Variants in ARHGEF3 observed in about 807,000 individuals in gnomAD.
ARHGEF3 encodes the protein Rho guanine nucleotide exchange factor 3.
A neutral mutation model predicts 63.2 loss-of-function variants in ARHGEF3; 28 were observed. That is an observed-to-expected ratio of 0.44 (90% confidence interval 0.33 to 0.61). The LOEUF is 0.61. Ranked by LOEUF, ARHGEF3 falls within the 20% of genes least tolerant of loss-of-function variation. The pLI is 0.03. For synonymous variants in ARHGEF3, 266 were observed against 254.2 expected (o/e 1.05, Z -0.44); for missense variants, 533 against 659.3 (o/e 0.81, Z 2.10).
chr3:57,003,542 G>A (rs538358502), intron 2 of ARHGEF3, among the ~76,000 whole-genome samples: 2 of 152,172 alleles, frequency 1.3e-5, no homozygotes, highest in East Asian at 3.9e-4. Flanking sequence ...AGTCCATGTG[G>A]TGGGCTGAAT....
intron 1 of ARHGEF3, among the ~76,000 whole-genome samples, chr3:56,793,297 G>A (rs1175301882): frequency 2.6e-5 from 4 of 152,134 alleles, no homozygotes; most frequent in Non-Finnish European, 4.4e-5. Flanking sequence ...AGCCTCCCGA[G>A]TAGCTGGGGC....
chr3:57,062,171 C>CAAAT (rs1705257259), intron 1 of ARHGEF3, among the ~76,000 whole-genome samples: 1 of 2,990 alleles, frequency 3.3e-4, no homozygotes, highest in Admixed American at 3.8e-3. Context: ...TGGAGCAGCT[C>CAAAT]AGTCATGTGA....
chr3:56,908,355 C>T (rs920407434), intron 3 of ARHGEF3, among the ~76,000 whole-genome samples: 10 of 152,216 alleles, frequency 6.6e-5, no homozygotes, highest in Admixed American at 6.5e-4. Context: ...ATCCACCTTC[C>T]ACCCACAGCT....
rs141644502 is a variant in ARHGEF3, at chr3:56,751,130, G to A, written c.538C>T (p.Leu180Phe). The change falls in exon 6 of 10, where the codon CTC becomes TTC. Residue 180 changes from leucine to phenylalanine, a missense_variant and splice_region_variant. Physicochemically the swap from Leu to Phe is conservative, Grantham distance 22. Transcript: ENST00000296315. ...LDSLIPLHEE[L>F]LSQLRDVRKP... The stretch of plus-strand genomic sequence containing the variant: ...CTAACATCTCGAAGCTGACTAAGGA[G>A]CTCTGGCAAAAAACAAACAGATGCT... 6.2e-7 allele frequency: 1 copy of A among 1,613,984 alleles called. No individual in the cohort carries two copies. The highest frequency in any genetic ancestry group is 1.7e-5 in the Admixed American group (1 of 59,992).
At chr3:56,741,915 T>C (rs1266013449) in intron 7 of ARHGEF3, among the ~76,000 whole-genome samples, 2 of 152,178 alleles carry the variant, frequency 1.3e-5, no homozygotes. Context: ...CCATTTAAAT[T>C]AAATTTATTG....
chr3:56,753,703 G>A, intron 3 of ARHGEF3, 137 bp from the exon 4 acceptor site: 1 of 709,160 alleles, frequency 1.4e-6, no homozygotes, highest in Non-Finnish European at 2.4e-6. Flanking sequence ...TGAAGCAAAT[G>A]CATCTATGCT....
intron 4 of ARHGEF3, among the ~76,000 whole-genome samples, chr3:56,836,525 GT>G (rs2039114299): frequency 6.6e-6 from 1 of 152,090 alleles, no homozygotes; most frequent in South Asian, 2.1e-4. Context: ...ATGCCAAAGC[GT>G]TTTCAACCCA....
upstream of ARHGEF3, chr3:56,801,953 C>G (rs770921209): frequency 1.7e-3 from 2,562 of 1,527,772 alleles, 4 homozygotes; most frequent in Middle Eastern, 3.5e-3. Flanking sequence ...CTCGACTGGG[C>G]TCCGGAGCCG....
chr3:56,745,558 C>T, intron 6 of ARHGEF3, 96 bp from the exon 7 acceptor site: 4 of 1,405,428 alleles, frequency 2.8e-6, no homozygotes, highest in Non-Finnish European at 3.9e-6. Flanking sequence ...AAACACCTAA[C>T]TGGTCTCTGG....
intron 1 of ARHGEF3, among the ~76,000 whole-genome samples, chr3:57,051,678 A>G (rs764032981): frequency 1.6e-4 from 24 of 151,958 alleles, no homozygotes; most frequent in Middle Eastern, 6.8e-3. Context: ...TTTCTAGCAC[A>G]CCAGGCCAGG....
chr3:56,996,868 C>CATTATTATT (rs369182475), intron 2 of ARHGEF3, among the ~76,000 whole-genome samples: 7 of 139,302 alleles, frequency 5.0e-5, no homozygotes, highest in African/African-American at 7.8e-5. Context: ...TTTCTTAAAA[C>CATTATTATT]ATTATTATTA....
chr3:56,992,375 T>TAAAAAAAAAAAAAAAAAAAAAAAAAAAAA (rs57740672), intron 2 of ARHGEF3, among the ~76,000 whole-genome samples: 1 of 46,136 alleles, frequency 2.2e-5, no homozygotes, highest in Non-Finnish European at 6.0e-5. Flanking sequence ...AGGATGGCTT[T>TAAAAAAAAAAAAAAAAAAAAAAAAAAAAA]AAAAAAAAAA....
intron 2 of ARHGEF3, among the ~76,000 whole-genome samples, chr3:56,991,667 T>C (rs1701750569): frequency 6.6e-6 from 1 of 152,154 alleles, no homozygotes; most frequent in South Asian, 2.1e-4. Flanking sequence ...CAGGCTGGAG[T>C]GCAGTGGCAC....
chr3:56,785,767 AAGCAAAGCTGACAGTCAGGTCTGT>A (rs1367015317), intron 1 of ARHGEF3, among the ~76,000 whole-genome samples: 2 of 152,218 alleles, frequency 1.3e-5, no homozygotes, highest in Non-Finnish European at 2.9e-5. Flanking sequence ...CATCTCAGGC[AAGCAAAGCTGACAGTCAGGTCTGT>A]CATCCGACTG....
chr3:56,769,421 C>T (rs1010098044), intron 2 of ARHGEF3, among the ~76,000 whole-genome samples: 30 of 152,196 alleles, frequency 2.0e-4, no homozygotes, highest in Non-Finnish European at 1.6e-4. Flanking sequence ...TTGAGTCTAC[C>T]GGCAGTGCTA....
chr3:56,834,306 T>C (rs1197024108), intron 4 of ARHGEF3, among the ~76,000 whole-genome samples: 1 of 152,196 alleles, frequency 6.6e-6, no homozygotes, highest in Non-Finnish European at 1.5e-5. Flanking sequence ...TGGAAAATGT[T>C]TCACATTGGC....
At chr3:57,039,754 T>C (rs1460624151) in intron 1 of ARHGEF3, among the ~76,000 whole-genome samples, 1 of 152,144 alleles carries the variant, frequency 6.6e-6, no homozygotes, top group Admixed American at 6.5e-5. Flanking sequence ...TGTCTTCTCT[T>C]TCCTCTGCTT....
At chr3:56,815,108 C>G (rs970775083) in intron 4 of ARHGEF3, among the ~76,000 whole-genome samples, 8 of 150,814 alleles carry the variant, frequency 5.3e-5, no homozygotes, top group African/African-American at 1.5e-4. Context: ...CGTGCCACTG[C>G]ATTCCAGCTT....
At chr3:56,832,732 A>T (rs1331469998) in intron 4 of ARHGEF3, among the ~76,000 whole-genome samples, 1 of 152,216 alleles carries the variant, frequency 6.6e-6, no homozygotes, top group East Asian at 1.9e-4. Flanking sequence ...AGAACATCTC[A>T]GTTATCCAAA....
Sources: allele counts gnomAD v4.1 joint callset (sites outside exome capture counted in the v4.1 genomes callset), GRCh38; gene constraint gnomAD v4.1.1; transcripts MANE v1.5; gene names NCBI Gene and HGNC (gene_info 2026-07-23, HGNC 2026-07-21).